BTBD16: variants seen among roughly 807,000 people sequenced by gnomAD.
BTBD16 encodes BTB domain containing 16.
A neutral mutation model predicts 67.4 loss-of-function variants in BTBD16; 66 were observed. The observed-to-expected ratio is 0.98, with a 90% CI of 0.80 to 1.20. The LOEUF (loss-of-function observed/expected upper bound fraction) is 1.20, where lower values mean the gene tolerates loss of function less well. BTBD16 is among the 50% of genes most tolerant of loss of function. The pLI is 0.00. For missense variants in BTBD16, 634 were observed against 616.0 expected (o/e 1.03, Z -0.31); for synonymous variants, 242 against 236.4 (o/e 1.02, Z -0.22).
At chr10:122,313,197 A>C (rs930166400) in intron 10 of BTBD16, among the ~76,000 whole-genome samples, 3 of 151,456 alleles carry the variant, frequency 2.0e-5, no homozygotes, top group African/African-American at 7.3e-5. Context: ...CGTTTGATGA[A>C]CAAAATTTTA....
Position 122,297,915 on chromosome 10 carries a change from C to T in BTBD16, c.660+78C>T, listed in dbSNP as rs892747595. ...AGCCTAGATGCTGGGATTTTACCCA[C>T]CAGGCCTACTTCCCCCCAGAATATC... On this transcript the variant is annotated intron_variant, in intron 8 of 15. Transcript: ENST00000260723. 4.7e-6 allele frequency: 6 copies of T among 1,283,046 alleles called. No homozygotes were observed. In the African/African-American group the frequency reaches 8.9e-5, roughly 19 times the overall value. The allele number at this position is 1,283,046 out of a possible 1,614,324, so 79.5% of individuals were successfully genotyped here.
chr10:122,305,188 C>T (rs540776633), intron 9 of BTBD16, among the ~76,000 whole-genome samples: 99 of 152,292 alleles, frequency 6.5e-4, no homozygotes, highest in African/African-American at 2.3e-3. Flanking sequence ...TTCAGGGGTA[C>T]ATGTGCAGGT....
chr10:122,294,104 T>C (rs747758660), intron 7 of BTBD16: 35 of 984,252 alleles, frequency 3.6e-5, no homozygotes, highest in Non-Finnish European at 4.1e-5. Context: ...ATTCTCCAGA[T>C]AATTGTGGTG....
intron 10 of BTBD16, among the ~76,000 whole-genome samples, chr10:122,326,071 T>A (rs998568393): frequency 6.6e-6 from 1 of 152,206 alleles, no homozygotes; most frequent in Non-Finnish European, 1.5e-5. Context: ...CTTCTCATTG[T>A]GAGTTATTGC....
Position 122,276,776 on chromosome 10 carries a change from T to G in BTBD16, c.19-15T>G. ...AGAAAAAAAGATGTCTTCTCTTTCT[T>G]TGATTACCAAGCAGCACAAAGCTCG... On this transcript the variant is annotated splice_polypyrimidine_tract_variant and intron_variant, in intron 2 of 15. Coordinates refer to ENST00000260723, the MANE Select transcript of BTBD16 (RefSeq NM_144587.5). 1.2e-6 allele frequency: 2 copies of G among 1,606,128 alleles called. No homozygotes were observed. The highest frequency in any genetic ancestry group is 2.7e-5 in the African/African-American group (2 of 74,608).
At chr10:122,332,337 G>A (rs2133322445) in intron 12 of BTBD16, 99 bp from the exon 13 acceptor site, 4 of 1,057,846 alleles carry the variant, frequency 3.8e-6, no homozygotes, top group Non-Finnish European at 5.5e-6. Context: ...TTCAAACCTG[G>A]TGAGGGGGGC....
chr10:122,292,561 G>T (rs2096376084), intron 7 of BTBD16, among the ~76,000 whole-genome samples: 1 of 152,218 alleles, frequency 6.6e-6, no homozygotes, highest in African/African-American at 2.4e-5. Flanking sequence ...CTAATTTGTG[G>T]TTCTGACCCT....
At chr10:122,280,762 C>T (rs1026217473) in intron 3 of BTBD16, among the ~76,000 whole-genome samples, 11 of 151,996 alleles carry the variant, frequency 7.2e-5, no homozygotes, top group Non-Finnish European at 1.3e-4. Context: ...ATACCAGTGC[C>T]ACTGTAAACT....
At chr10:122,287,081 G>T (rs1159736830) in intron 5 of BTBD16, among the ~76,000 whole-genome samples, 2 of 152,198 alleles carry the variant, frequency 1.3e-5, no homozygotes, top group Non-Finnish European at 2.9e-5. Flanking sequence ...CCTGAGCCTG[G>T]AGGGAGAGCC....
At chr10:122,295,637 G>A (rs1013513451) in intron 7 of BTBD16, among the ~76,000 whole-genome samples, 10 of 152,182 alleles carry the variant, frequency 6.6e-5, no homozygotes, top group African/African-American at 2.4e-4. Flanking sequence ...GGCAGGGGAA[G>A]TGGGAGCGGG....
intron 13 of BTBD16, among the ~76,000 whole-genome samples, chr10:122,333,274 G>C (rs987676474): frequency 6.6e-5 from 10 of 152,100 alleles, no homozygotes; most frequent in African/African-American, 2.4e-4. Flanking sequence ...CACAGAGCCA[G>C]GACTTCCTGC....
intron 1 of BTBD16, 101 bp from the exon 2 acceptor site, chr10:122,274,939 A>G (rs929974555): frequency 2.7e-6 from 2 of 730,936 alleles, no homozygotes; most frequent in Non-Finnish European, 4.7e-6. Context: ...AGGCTTATTC[A>G]TTATTGTTCC....
chr10:122,299,976 G>T (rs1035997957), intron 9 of BTBD16, among the ~76,000 whole-genome samples: 1 of 152,110 alleles, frequency 6.6e-6, no homozygotes, highest in African/African-American at 2.4e-5. Flanking sequence ...TCCCCATACC[G>T]GGCCTTGGTT....
intron 2 of BTBD16, among the ~76,000 whole-genome samples, chr10:122,275,674 T>G (rs11817245): frequency 0.12 from 18,359 of 152,234 alleles, 1,984 homozygotes; most frequent in African/African-American, 0.29. Flanking sequence ...CCTGGGTGGC[T>G]TGGGATCAAT....
At chr10:122,321,399 T>C (rs921772162) in intron 10 of BTBD16, among the ~76,000 whole-genome samples, 3 of 152,234 alleles carry the variant, frequency 2.0e-5, no homozygotes, top group Non-Finnish European at 4.4e-5. Flanking sequence ...TCAAATGGTA[T>C]AGTGCAATTT....
rs1262869736 is a variant in BTBD16 at position 122,331,189 on chromosome 10, G to T, written c.1017G>T (p.Glu339Asp). Reference sequence around the variant, plus strand: ...GTTTCTTCCCAGGCAAGGATCTGGAGGTGCTGCGGCACCTTAACTTCTTCC... The same window carrying T: ...GTTTCTTCCCAGGCAAGGATCTGGATGTGCTGCGGCACCTTAACTTCTTCC... ...LHGITKGKDL[E>D]VLRHLNFFPE... The change falls in exon 12 of 16, where the codon GAG (glutamate) becomes GAT (aspartate). Residue 339 changes from glutamate to aspartate, a missense_variant. Coordinates refer to ENST00000260723, the MANE Select transcript of BTBD16 (RefSeq NM_144587.5). 1.2e-6 allele frequency: 2 copies of T among 1,613,046 alleles called. No homozygotes were observed. Among genetic ancestry groups the T allele is most frequent in the South Asian group, 2.2e-5 (2 of 90,804 alleles).
intron 12 of BTBD16, among the ~76,000 whole-genome samples, chr10:122,331,640 A>C (rs2096455310): frequency 6.6e-6 from 1 of 152,186 alleles, no homozygotes; most frequent in African/African-American, 2.4e-5. Flanking sequence ...CTCATTTTTT[A>C]ACATGTATTT....
At chr10:122,290,083 C>A in intron 6 of BTBD16, 85 bp downstream of exon 6, 2 of 908,840 alleles carry the variant, frequency 2.2e-6, no homozygotes, top group Non-Finnish European at 3.5e-6. Context: ...AACAACAAAG[C>A]AAAACAAACC....
chr10:122,296,400 TTTTAGAA>T (rs1291520830), intron 7 of BTBD16, among the ~76,000 whole-genome samples: 2 of 152,116 alleles, frequency 1.3e-5, no homozygotes. Context: ...GAAGGATACA[TTTTAGAA>T]TAAGTGCAAG....
Sources: allele counts gnomAD v4.1 joint callset (sites outside exome capture counted in the v4.1 genomes callset), GRCh38; gene constraint gnomAD v4.1.1; transcripts MANE v1.5; gene names NCBI Gene and HGNC (gene_info 2026-07-23, HGNC 2026-07-21).